CKAP5: variants seen among roughly 807,000 people sequenced by gnomAD.
CKAP5 encodes the protein cytoskeleton-associated protein 5.
CKAP5 carries 27 observed loss-of-function variants against 232.8 expected under a neutral mutation model. The observed-to-expected ratio is 0.12, with a 90% CI of 0.09 to 0.16. CKAP5 has a LOEUF of 0.16. Among genes scored for constraint, CKAP5 ranks in the 10% least tolerant of loss-of-function variants. The pLI is 1.00. For synonymous variants in CKAP5, 785 were observed against 841.1 expected (o/e 0.93, Z 1.16); for missense variants, 1,838 against 2,424.7 (o/e 0.76, Z 5.08).
At chr11:46,820,830 T>G in intron 2 of CKAP5, 1 of 163,122 alleles carries the variant, frequency 6.1e-6, no homozygotes, top group African/African-American at 2.4e-5. Context: ...AGAACACATC[T>G]CAAAAGAAGA....
intron 1 of CKAP5, among the ~76,000 whole-genome samples, chr11:46,844,317 G>A (rs1940127514): frequency 1.3e-5 from 2 of 151,728 alleles, no homozygotes; most frequent in Non-Finnish European, 2.9e-5. Context: ...TCATATGAGA[G>A]CATAAGAGCT....
intron 1 of CKAP5, among the ~76,000 whole-genome samples, chr11:46,831,597 C>T (rs1939795049): frequency 6.6e-6 from 1 of 152,078 alleles, no homozygotes; most frequent in Admixed American, 6.6e-5. Context: ...GGTGCAATAA[C>T]TGCTCACTCT....
At chr11:46,764,517 A>G (rs2065185614) in intron 28 of CKAP5, among the ~76,000 whole-genome samples, 3 of 152,218 alleles carry the variant, frequency 2.0e-5, no homozygotes, top group Admixed American at 1.3e-4. Context: ...GAGATACAGA[A>G]CAAACAGTAC....
rs571865828 is a variant in CKAP5 at position 46,840,707 on chromosome 11, C to T, written c.-38+5513G>A. The stretch of plus-strand genomic sequence containing the variant: ...CATGCCTCTTCCCCTATACCTCACC[C>T]TATATAGCTCTTTGTATCCTTTGCA... On this transcript the variant is annotated intron_variant, in intron 1 of 43. Coordinates refer to ENST00000529230, the MANE Select transcript of CKAP5 (RefSeq NM_001008938.4). Among the ~76,000 whole-genome samples the T allele has an allele frequency of 4.6e-5, 7 of 152,290 alleles. No homozygotes were observed. The East Asian group carries it at 1.4e-3, about 29-fold the overall frequency.
Position 46,778,358 on chromosome 11 carries a change from G to A in CKAP5, c.2574-45C>T, listed in dbSNP as rs550333808. ...CTTTAATTCCAGACTCCAAAAAAAT[G>A]ATGATATCACGTTAAGTTCCCCTCA... On this transcript the variant is annotated intron_variant, in intron 21 of 43. Transcript: ENST00000529230. 5.6e-6 allele frequency: 9 copies of A among 1,601,098 alleles called. No homozygotes were observed. The East Asian group carries it at 1.6e-4, about 28-fold the overall frequency.
At chr11:46,842,620 G>C (rs1940081751) in intron 1 of CKAP5, among the ~76,000 whole-genome samples, 1 of 152,214 alleles carries the variant, frequency 6.6e-6, no homozygotes, top group Non-Finnish European at 1.5e-5. Context: ...AGAATGGTGA[G>C]ACAGAGGGCA....
At chr11:46,784,694 T>A (rs749487728) in intron 16 of CKAP5, 21 bp from the exon 17 acceptor site, 5 of 1,595,802 alleles carry the variant, frequency 3.1e-6, no homozygotes, top group Non-Finnish European at 3.4e-6. Flanking sequence ...ATCAGTATCA[T>A]AAAGCTAAGA....
rs567570709 is a variant in CKAP5 at position 46,751,145 on chromosome 11, C to T, written c.5433G>A (p.Lys1811=). Residue 1811 remains lysine (K), a synonymous_variant, in exon 40 of 44, where the codon AAG becomes AAA. Transcript: ENST00000529230. ...TTCGAGATGCTCCCTTTTCTGTTTC[C>T]TTATCAGACTTGCTCCCAGTCTGGT... ...SMDQTGSKSD[K]ETEKGASRID... 1 of 1,614,156 alleles carries T rather than the reference C, an allele frequency of 6.2e-7. No homozygotes were observed. The highest frequency in any genetic ancestry group is 1.1e-5 in the South Asian group (1 of 91,080).
intron 13 of CKAP5, among the ~76,000 whole-genome samples, chr11:46,794,343 G>A (rs775248162): frequency 3.9e-5 from 6 of 152,072 alleles, no homozygotes; most frequent in Non-Finnish European, 8.8e-5. Flanking sequence ...ACGTGCTTCT[G>A]GTCCCAGCTA....
chr11:46,772,064 G>A (rs904202583), intron 24 of CKAP5, among the ~76,000 whole-genome samples: 7 of 135,266 alleles, frequency 5.2e-5, no homozygotes, highest in African/African-American at 1.7e-4. Flanking sequence ...ATTAAGTCTT[G>A]CTCTTGTCAC....
chr11:46,799,058 G>C (rs750874206), intron 9 of CKAP5, among the ~76,000 whole-genome samples: 1 of 152,170 alleles, frequency 6.6e-6, no homozygotes, highest in Non-Finnish European at 1.5e-5. Flanking sequence ...GGAGTGCAGT[G>C]GGATGAACAT....
chr11:46,770,488 G>A (rs2065238435), intron 25 of CKAP5, among the ~76,000 whole-genome samples: 1 of 152,128 alleles, frequency 6.6e-6, no homozygotes, highest in African/African-American at 2.4e-5. Flanking sequence ...CTGGAGTGCA[G>A]TGGCACGATC....
At chr11:46,801,450 A>G in intron 8 of CKAP5, 146 bp from the exon 9 acceptor site, 1 of 557,262 alleles carries the variant, frequency 1.8e-6, no homozygotes, top group Non-Finnish European at 3.3e-6. Context: ...TGGGTGGACC[A>G]CCTGAGGTCA....
intron 23 of CKAP5, among the ~76,000 whole-genome samples, chr11:46,776,815 A>G (rs1399904801): frequency 2.9e-5 from 4 of 136,312 alleles, no homozygotes; most frequent in East Asian, 4.3e-4. Flanking sequence ...ATATTAATTT[A>G]CATTAATATT....
intron 24 of CKAP5, among the ~76,000 whole-genome samples, chr11:46,775,778 C>T (rs1008798959): frequency 2.0e-5 from 3 of 151,668 alleles, no homozygotes; most frequent in African/African-American, 7.3e-5. Context: ...ACAATGAGAA[C>T]GTACGGGCAC....
intron 8 of CKAP5, among the ~76,000 whole-genome samples, chr11:46,806,227 G>A (rs1460595151): frequency 6.6e-6 from 1 of 152,176 alleles, no homozygotes; most frequent in Non-Finnish European, 1.5e-5. Context: ...AGTACAGCAA[G>A]AGATTATATT....
intron 24 of CKAP5, among the ~76,000 whole-genome samples, chr11:46,772,869 G>T (rs1216432610): frequency 1.3e-5 from 2 of 152,018 alleles, no homozygotes; most frequent in African/African-American, 4.8e-5. Context: ...AGCCTCTCGA[G>T]TAGCTGGGAC....
chr11:46,758,837 C>A, intron 35 of CKAP5, 86 bp downstream of exon 35: 1 of 1,463,394 alleles, frequency 6.8e-7, no homozygotes, highest in South Asian at 1.3e-5. Flanking sequence ...TCCCCTAATG[C>A]TATGACTCTG....
intron 42 of CKAP5, among the ~76,000 whole-genome samples, chr11:46,748,488 G>A (rs2065038120): frequency 6.6e-6 from 1 of 152,274 alleles, no homozygotes; most frequent in Non-Finnish European, 1.5e-5. Flanking sequence ...GAATGTAAAT[G>A]GATCGGCTGG....
Sources: allele counts gnomAD v4.1 joint callset (sites outside exome capture counted in the v4.1 genomes callset), GRCh38; gene constraint gnomAD v4.1.1; transcripts MANE v1.5; gene names NCBI Gene and HGNC (gene_info 2026-07-23, HGNC 2026-07-21).